Variants in MBOAT1 observed in about 807,000 individuals in gnomAD.
MBOAT1 encodes membrane bound glycerophospholipid O-acyltransferase 1.
Under a neutral mutation model 64.4 loss-of-function variants are expected in MBOAT1, and 67 were observed. That is an observed-to-expected ratio of 1.04 (90% CI 0.85 to 1.27). The LOEUF (loss-of-function observed/expected upper bound fraction) is 1.27. Ranked by LOEUF, MBOAT1 falls within the 50% of genes most tolerant of loss-of-function variation. MBOAT1 has a pLI of 0.00. For missense variants in MBOAT1, 563 were observed against 604.6 expected (o/e 0.93, Z 0.72); for synonymous variants, 229 against 218.9 (o/e 1.05, Z -0.41).
At chr6:20,115,418 CCA>C in intron 9 of MBOAT1, 66 bp from the exon 10 acceptor site, 2 of 1,325,820 alleles carry the variant, frequency 1.5e-6, no homozygotes, top group South Asian at 2.4e-5. Context: ...AAAGTTCTCC[CCA>C]GTTTCCCTGG....
chr6:20,137,810 G>A (rs958416857), intron 4 of MBOAT1, among the ~76,000 whole-genome samples: 1 of 152,036 alleles, frequency 6.6e-6, no homozygotes, highest in African/African-American at 2.4e-5. Context: ...TTATTCTGAA[G>A]GCATAATAAA....
At chr6:20,179,250 C>G (rs1177541977) in intron 1 of MBOAT1, among the ~76,000 whole-genome samples, 1 of 152,160 alleles carries the variant, frequency 6.6e-6, no homozygotes, top group African/African-American at 2.4e-5. Flanking sequence ...CTCCATTAGT[C>G]AAACTGAGGT....
chr6:20,129,115 T>G (rs1372811335), intron 5 of MBOAT1, among the ~76,000 whole-genome samples: 1 of 152,172 alleles, frequency 6.6e-6, no homozygotes, highest in Non-Finnish European at 1.5e-5. Flanking sequence ...CATCTTGCCT[T>G]TCACAGGCTG....
In MBOAT1 at chr6:20,109,611, T is replaced by C. The variant is rs2065649; in HGVS notation, c.1348A>G (p.Ile450Val). Residue 450 changes from isoleucine (I) to valine (V), a missense_variant, in exon 12 of 13, where the codon ATC (isoleucine) becomes GTC (valine). Transcript: ENST00000324607. Reference sequence around the variant, plus strand: ...ACGGAAACTTACTTGTATAAGCTGATGGTCGGTTCAACTGCCAACATCACA... The same window carrying C: ...ACGGAAACTTACTTGTATAAGCTGACGGTCGGTTCAACTGCCAACATCACA... ...PFVMLAVEPT[I>V]SLYKSMYFYL... 14,572 of 1,612,968 alleles carry C rather than the reference T, an allele frequency of 9.0e-3. 1,019 individuals carry two copies. The African/African-American group carries it at 0.16, about 18-fold the overall frequency.
At chr6:20,123,665 C>T (rs184632646) in intron 8 of MBOAT1, among the ~76,000 whole-genome samples, 4 of 150,790 alleles carry the variant, frequency 2.7e-5, no homozygotes, top group South Asian at 2.1e-4. Flanking sequence ...AACCTAACAA[C>T]GGTTCCTTAA....
At chr6:20,135,129 G>A (rs1760945435) in intron 4 of MBOAT1, among the ~76,000 whole-genome samples, 1 of 151,814 alleles carries the variant, frequency 6.6e-6, no homozygotes, top group Non-Finnish European at 1.5e-5. Context: ...CCAATCATAG[G>A]ATCCACCATC....
At chr6:20,172,160 T>A (rs947504833) in intron 1 of MBOAT1, among the ~76,000 whole-genome samples, 15 of 151,906 alleles carry the variant, frequency 9.9e-5, no homozygotes, top group African/African-American at 3.1e-4. Flanking sequence ...AGGGTCCAGG[T>A]GCAGTGGCTC....
At chr6:20,123,784 T>A (rs116704393) in intron 8 of MBOAT1, among the ~76,000 whole-genome samples, 1 of 151,948 alleles carries the variant, frequency 6.6e-6, no homozygotes, top group Non-Finnish European at 1.5e-5. Context: ...AGGCTGGGCG[T>A]GGTGGCTCAC....
intron 1 of MBOAT1, among the ~76,000 whole-genome samples, chr6:20,181,294 G>A (rs1178811980): frequency 2.0e-5 from 3 of 152,190 alleles, no homozygotes; most frequent in Non-Finnish European, 4.4e-5. Flanking sequence ...GCCACCACAG[G>A]TGGAGGAGGA....
chr6:20,161,006 A>G (rs1217677791), intron 1 of MBOAT1, among the ~76,000 whole-genome samples: 2 of 152,212 alleles, frequency 1.3e-5, no homozygotes, highest in African/African-American at 4.8e-5. Context: ...GCCACAGACC[A>G]GTACTGGTCC....
chr6:20,209,030 G>A (rs1464588605), intron 1 of MBOAT1, among the ~76,000 whole-genome samples: 2 of 152,218 alleles, frequency 1.3e-5, no homozygotes, highest in Non-Finnish European at 2.9e-5. Flanking sequence ...GAGGAGGACA[G>A]GAGCAGATGA....
intron 1 of MBOAT1, among the ~76,000 whole-genome samples, chr6:20,200,906 G>A (rs144284027): frequency 3.0e-4 from 45 of 152,318 alleles, no homozygotes; most frequent in African/African-American, 8.7e-4. Flanking sequence ...CTCAGCCAAG[G>A]AGCAGGTGTT....
chr6:20,118,322 C>A, intron 9 of MBOAT1, 115 bp downstream of exon 9: 1 of 797,322 alleles, frequency 1.3e-6, no homozygotes, highest in Non-Finnish European at 2.1e-6. Context: ...CCTGGCAATT[C>A]CCTGAGAGCA....
rs545837997 is a variant in MBOAT1, at chr6:20,166,983, AAAAAG to A, written c.100-14219_100-14215del. ...AAAAAAGAAAAGAAAAGGGAAAAGG[AAAAAG>A]AAAAGAAAAGAAAAGAAACCCATTG... On this transcript the variant is annotated intron_variant, in intron 1 of 12. Transcript: ENST00000324607. Among the ~76,000 whole-genome samples, 53 of 152,214 alleles carry A rather than the reference AAAAAG, an allele frequency of 3.5e-4. 1 individual carries two copies. In the East Asian group the frequency reaches 5.2e-3, roughly 15 times the overall value.
chr6:20,111,278 A>C (rs896245657), intron 11 of MBOAT1, among the ~76,000 whole-genome samples: 1 of 152,200 alleles, frequency 6.6e-6, no homozygotes, highest in Non-Finnish European at 1.5e-5. Context: ...CCCAAAGCAG[A>C]AGATGCATCA....
At chr6:20,204,158 C>T (rs1763194452) in intron 1 of MBOAT1, among the ~76,000 whole-genome samples, 2 of 152,224 alleles carry the variant, frequency 1.3e-5, no homozygotes, top group African/African-American at 4.8e-5. Context: ...CACCTGGCCC[C>T]TCTCCCCTCT....
chr6:20,143,219 A>G (rs1206998532), intron 4 of MBOAT1, among the ~76,000 whole-genome samples: 3 of 152,242 alleles, frequency 2.0e-5, no homozygotes, highest in African/African-American at 4.8e-5. Context: ...TGTAATGTTC[A>G]TTCCTCAAGA....
chr6:20,109,480 A>G, intron 12 of MBOAT1, 118 bp downstream of exon 12: 1 of 1,270,650 alleles, frequency 7.9e-7, no homozygotes, highest in Non-Finnish European at 1.1e-6. Context: ...CACTTCCCAC[A>G]CTGAAGCCCC....
chr6:20,190,854 G>A (rs1762782563), intron 1 of MBOAT1, among the ~76,000 whole-genome samples: 1 of 152,126 alleles, frequency 6.6e-6, no homozygotes, highest in Admixed American at 6.5e-5. Flanking sequence ...GCCTCTGCCT[G>A]ACCACCACCA....
Sources: allele counts gnomAD v4.1 joint callset (sites outside exome capture counted in the v4.1 genomes callset), GRCh38; gene constraint gnomAD v4.1.1; transcripts MANE v1.5; gene names NCBI Gene and HGNC (gene_info 2026-07-23, HGNC 2026-07-21).